Variants in PLEKHA4 observed in about 807,000 individuals in gnomAD.
PLEKHA4 encodes the protein pleckstrin homology domain-containing family A member 4.
In PLEKHA4, 73 loss-of-function variants were observed where a neutral mutation model predicts 94.7. The observed-to-expected ratio is 0.77, with a 90% CI of 0.64 to 0.94. The LOEUF (loss-of-function observed/expected upper bound fraction) is 0.94. Ranked by LOEUF, PLEKHA4 falls within the 40% of genes least tolerant of loss-of-function variation. The pLI is 0.00. For missense variants in PLEKHA4, 1,049 were observed against 1,054.1 expected, an observed-to-expected ratio of 1.00 and a Z score of 0.07; for synonymous variants, 449 against 437.1, an observed-to-expected ratio of 1.03 and a Z score of -0.34.
intron 9 of PLEKHA4, among the ~76,000 whole-genome samples, chr19:48,855,603 C>CAAATAAATAAAT (rs35146886): frequency 0.028 from 3,968 of 142,808 alleles, 142 homozygotes; most frequent in African/African-American, 0.087. Context: ...GATTTCGTCT[C>CAAATAAATAAAT]AAATAAATAA....
intron 13 of PLEKHA4, among the ~76,000 whole-genome samples, chr19:48,848,789 ACT>A (rs1283137643): frequency 2.0e-5 from 3 of 149,996 alleles, no homozygotes; most frequent in Admixed American, 1.3e-4. Context: ...AGAGCGAGAC[ACT>A]GTCTCAAAAA....
intron 2 of PLEKHA4, among the ~76,000 whole-genome samples, chr19:48,865,938 C>T (rs1331453228): frequency 6.6e-6 from 1 of 151,050 alleles, no homozygotes; most frequent in Non-Finnish European, 1.5e-5. Context: ...GGCGAGAACC[C>T]GGGAGGAGGA....
chr19:48,853,867 C>T, intron 11 of PLEKHA4, 36 bp from the exon 12 acceptor site: 2 of 1,589,628 alleles, frequency 1.3e-6, no homozygotes, highest in Non-Finnish European at 8.6e-7. Flanking sequence ...ACTTCAGAAG[C>T]CATGCCTAGC....
At chr19:48,850,998 G>A (rs546022866) in intron 13 of PLEKHA4, among the ~76,000 whole-genome samples, 7 of 151,030 alleles carry the variant, frequency 4.6e-5, no homozygotes, top group Admixed American at 3.3e-4. Context: ...AAAATTAACC[G>A]GGCATGGTGG....
At chr19:48,855,476 C>T (rs149749180) in intron 9 of PLEKHA4, among the ~76,000 whole-genome samples, 1,715 of 151,908 alleles carry the variant, frequency 0.011, 13 homozygotes, top group South Asian at 0.029. Flanking sequence ...TAGTGACGGG[C>T]GCCTGTAATC....
chr19:48,852,775 ATACAAAAAT>A (rs1321099483), intron 12 of PLEKHA4, among the ~76,000 whole-genome samples: 4 of 152,106 alleles, frequency 2.6e-5, no homozygotes, highest in African/African-American at 9.7e-5. Context: ...CCTACTAAAA[ATACAAAAAT>A]TAGCCAGGAA....
rs993536763 is a variant in PLEKHA4, at chr19:48,837,794, C to T, written c.2077+223G>A. Among the ~76,000 whole-genome samples the T allele has an allele frequency of 4.0e-5, 6 of 151,664 alleles. No individual in the cohort carries two copies. The highest frequency in any genetic ancestry group is 1.5e-4 in the African/African-American group (6 of 41,242). Reference sequence around the variant, plus strand: ...CCTCTTTGAGACTCAGTTGTCGGCCCTCTCCCCGCCCCCTGACCTCTTCCT... The same window carrying T: ...CCTCTTTGAGACTCAGTTGTCGGCCTTCTCCCCGCCCCCTGACCTCTTCCT... On this transcript the variant is annotated intron_variant, in intron 19 of 19. Coordinates refer to ENST00000263265, the MANE Select transcript of PLEKHA4 (RefSeq NM_020904.3). The surrounding 1 kb of genome is among the most constrained non-coding windows in gnomAD (Gnocchi z 4.3).
chr19:48,845,349 C>T (rs777464227), intron 16 of PLEKHA4, 21 bp downstream of exon 16: 19 of 1,609,044 alleles, frequency 1.2e-5, no homozygotes, highest in African/African-American at 4.0e-5. Context: ...GCAAGGATTA[C>T]AGGATGGACC....
At position 48,847,890 on chromosome 19, in the gene PLEKHA4, T is replaced by C. The variant is rs1475584792; in HGVS notation, c.1566+10A>G. ...AAGCTTGGGGTGGGGAGGAATTATG[T>C]GCGTCTTACCTCCCTCTCTGAGGAC... On this transcript the variant is annotated intron_variant, in intron 14 of 19. Transcript: ENST00000263265. The C allele has an allele frequency of 2.6e-6, 4 of 1,542,428 alleles. No homozygotes were observed. Among genetic ancestry groups the C allele is most frequent in the Non-Finnish European group, 3.5e-6 (4 of 1,145,106 alleles).
chr19:48,861,596 C>T (rs753748649), intron 4 of PLEKHA4, 24 bp downstream of exon 4: 1 of 1,613,518 alleles, frequency 6.2e-7, no homozygotes, highest in Non-Finnish European at 8.5e-7. Flanking sequence ...CCTCCCACCC[C>T]AAGCCAGCCA....
At chr19:48,847,824 G>A (rs2036024208) in intron 14 of PLEKHA4, 76 bp downstream of exon 14, 1 of 1,451,572 alleles carries the variant, frequency 6.9e-7, no homozygotes, top group Admixed American at 2.5e-5. Context: ...AATTAAAGAG[G>A]TGGGTGGGGA....
At chr19:48,865,458 G>T in intron 3 of PLEKHA4, 45 bp downstream of exon 3, 2 of 1,468,086 alleles carry the variant, frequency 1.4e-6, no homozygotes, top group Non-Finnish European at 1.9e-6. Context: ...GAGGACAGCC[G>T]GGGCACAGAC....
chr19:48,855,157 A>T (rs542136643), intron 9 of PLEKHA4, among the ~76,000 whole-genome samples: 1 of 152,258 alleles, frequency 6.6e-6, no homozygotes, highest in Admixed American at 6.6e-5. Context: ...CATTTTATTT[A>T]TGACTAAGAA....
chr19:48,853,934 A>G, intron 11 of PLEKHA4, 73 bp downstream of exon 11: 1 of 1,600,964 alleles, frequency 6.2e-7, no homozygotes, highest in Non-Finnish European at 8.5e-7. Flanking sequence ...CAGCATCCTG[A>G]CTTCCGCATT....
intron 9 of PLEKHA4, among the ~76,000 whole-genome samples, chr19:48,855,507 GGAA>G (rs925807265): frequency 3.2e-4 from 48 of 152,172 alleles, no homozygotes; most frequent in African/African-American, 1.1e-3. Context: ...GGGAGGCTGA[GGAA>G]GAAGAATCAC....
intron 9 of PLEKHA4, 40 bp from the exon 10 acceptor site, chr19:48,854,304 G>C (rs1381208480): frequency 1.9e-6 from 3 of 1,583,768 alleles, no homozygotes; most frequent in Admixed American, 1.7e-5. Flanking sequence ...AAGGGGACAG[G>C]CTGGTCATTC....
chr19:48,845,611 C>T lies in PLEKHA4; in HGVS notation c.1572G>A (p.Leu524=), dbSNP rs556416279. 2.5e-6 allele frequency: 4 copies of T among 1,585,060 alleles called. No individual in the cohort carries two copies. Among genetic ancestry groups the T allele is most frequent in the Non-Finnish European group, 1.7e-6 (2 of 1,166,200 alleles). The part of the protein sequence containing the change: ...QGEESSERES[L]PESLELSSPR... ...GGGAGCTCAGTTCCAAGGACTCTGG[C>T]AGGCTCTGCGGGGATTAGAAAAGGG... Residue 524 remains leucine, a synonymous_variant, in exon 15 of 20, where the codon CTG becomes CTA. Transcript: ENST00000263265.
chr19:48,841,066 T>C, intron 17 of PLEKHA4, 83 bp downstream of exon 17: 1 of 1,351,492 alleles, frequency 7.4e-7, no homozygotes. Context: ...AGTGATTATC[T>C]CCATTTTACA....
chr19:48,837,623 C>G lies in PLEKHA4; in HGVS notation c.2078-72G>C. ...GACCCCGGATTCCCAGCCCCTCCTC[C>G]CTCAGACCCAGGACTCCGGATTCCC... On this transcript the variant is annotated intron_variant, in intron 19 of 19. Transcript: ENST00000263265. This position sits in a 1 kb window ranked among gnomAD's most constrained non-coding sequence, Gnocchi z 4.3. 6.4e-7 allele frequency: 1 copy of G among 1,561,686 alleles called. No individual in the cohort carries two copies. Among genetic ancestry groups the G allele is most frequent in the Non-Finnish European group, 8.7e-7 (1 of 1,145,556 alleles).
Sources: allele counts gnomAD v4.1 joint callset (sites outside exome capture counted in the v4.1 genomes callset), GRCh38; gene constraint gnomAD v4.1.1; non-coding constraint Gnocchi (gnomAD v3.1); transcripts MANE v1.5; gene names NCBI Gene and HGNC (gene_info 2026-07-23, HGNC 2026-07-21).